The following USP40 variants were observed in gnomAD, a reference collection of about 807,000 sequenced individuals.
USP40 encodes ubiquitin specific peptidase 40.
Under a neutral mutation model 166.2 loss-of-function variants are expected in USP40, and 143 were observed. That is an observed-to-expected ratio of 0.86 (90% CI 0.75 to 0.99). The LOEUF (loss-of-function observed/expected upper bound fraction) is 0.99, where lower values mean the gene tolerates loss of function less well. USP40 is among the 50% of genes least tolerant of loss of function. The probability of loss-of-function intolerance (pLI) is 0.00; values close to 1 mark genes in which losing one functional copy is unlikely to be tolerated. For missense variants in USP40, 1,444 were observed against 1,479.7 expected (o/e 0.98, Z 0.40); for synonymous variants, 498 against 524.0 (o/e 0.95, Z 0.68).
At chr2:233,499,800 TACAAC>T in intron 22 of USP40, 74 bp downstream of exon 22, 1 of 1,332,212 alleles carries the variant, frequency 7.5e-7, no homozygotes, top group Non-Finnish European at 1.0e-6. Flanking sequence ...TTTTTTTTCC[TACAAC>T]CCTGGAGAAA....
chr2:233,525,605 C>G, intron 13 of USP40, 43 bp from the exon 14 acceptor site: 1 of 1,442,708 alleles, frequency 6.9e-7, no homozygotes, highest in Non-Finnish European at 9.7e-7. Flanking sequence ...TGAAAAGTGA[C>G]ATATACATAT....
chr2:233,510,991 C>T (rs75082205), intron 20 of USP40, among the ~76,000 whole-genome samples: 3 of 152,106 alleles, frequency 2.0e-5, no homozygotes, highest in Non-Finnish European at 4.4e-5. Flanking sequence ...CTATTTGCTA[C>T]GGTTCAGGGG....
At chr2:233,557,539 C>T (rs1455911766) in intron 4 of USP40, among the ~76,000 whole-genome samples, 2 of 152,174 alleles carry the variant, frequency 1.3e-5, no homozygotes, top group Non-Finnish European at 2.9e-5. Flanking sequence ...TTATGAGTCA[C>T]GCAGTTGTGT....
intron 10 of USP40, among the ~76,000 whole-genome samples, chr2:233,537,562 T>C (rs921344308): frequency 4.6e-5 from 7 of 151,934 alleles, no homozygotes; most frequent in South Asian, 2.1e-4. Context: ...ATCTTAAAAG[T>C]AGACCAAGAA....
intron 8 of USP40, among the ~76,000 whole-genome samples, chr2:233,544,994 T>C (rs746427554): frequency 6.6e-6 from 1 of 152,176 alleles, no homozygotes; most frequent in Non-Finnish European, 1.5e-5. Context: ...CAAACACAAA[T>C]CTTTCTTGGA....
chr2:233,545,242 G>A (rs4047199), intron 8 of USP40, among the ~76,000 whole-genome samples: 121,438 of 152,132 alleles, frequency 0.8, 48,624 homozygotes, highest in East Asian at 0.96. Context: ...ATGACAACGG[G>A]ATAAGAGATT....
At chr2:233,524,695 T>C (rs1199301689) in intron 14 of USP40, 133 bp from the exon 15 acceptor site, 1 of 616,566 alleles carries the variant, frequency 1.6e-6, no homozygotes, top group Non-Finnish European at 2.5e-6. Context: ...TAATTATTTT[T>C]ATTCTATTGA....
At chr2:233,526,697 A>C (rs1575292339) in intron 13 of USP40, among the ~76,000 whole-genome samples, 1 of 152,256 alleles carries the variant, frequency 6.6e-6, no homozygotes. Flanking sequence ...AGGAGAAAAA[A>C]ACCCTAGATG....
intron 21 of USP40, among the ~76,000 whole-genome samples, chr2:233,502,684 C>A (rs2066157625): frequency 1.3e-5 from 2 of 152,050 alleles, no homozygotes; most frequent in Non-Finnish European, 2.9e-5. Context: ...AAACCAGCAT[C>A]CTTTCCTCCA....
intron 10 of USP40, among the ~76,000 whole-genome samples, chr2:233,535,578 T>C (rs1366176577): frequency 2.0e-5 from 3 of 152,132 alleles, no homozygotes; most frequent in Non-Finnish European, 1.5e-5. Context: ...AAGCCAAAAT[T>C]GTAACAGACC....
chr2:233,506,674 C>T (rs754672206), intron 21 of USP40, among the ~76,000 whole-genome samples: 4 of 146,720 alleles, frequency 2.7e-5, no homozygotes, highest in African/African-American at 5.1e-5. Flanking sequence ...ATGGGCAGAT[C>T]ACTTGAGTTC....
Position 233,480,192 on chromosome 2 carries a change from T to C in USP40, c.3599+1011A>G, listed in dbSNP as rs2064478806. ...CCAGTGGCAGAGGGCATGCAGTCCC[T>C]GGCACACGGGCAGCCAAGATACTGA... On this transcript the variant is annotated intron_variant, in intron 31 of 31. Coordinates refer to ENST00000678225, the MANE Select transcript of USP40 (RefSeq NM_001365479.2). The surrounding 1 kb of genome is among the most constrained non-coding windows in gnomAD (Gnocchi z 4.5). Among the ~76,000 whole-genome samples the C allele has an allele frequency of 6.6e-6, 1 of 152,104 alleles. No individual in the cohort carries two copies. The highest frequency in any genetic ancestry group is 1.5e-5 in the Non-Finnish European group (1 of 68,030).
chr2:233,523,392 T>G lies in USP40; in HGVS notation c.1979A>C (p.Gln660Pro), dbSNP rs2067795345. Residue 660 changes from glutamine (Q) to proline (P), a missense_variant, in exon 16 of 32, where the codon CAG becomes CCG. By Grantham distance (76) the Gln-to-Pro change is moderately conservative (BLOSUM62 -1). Transcript: ENST00000678225. Reference protein sequence around the residue: ...DTSSDGEKCCQVIESPHVFPA... With the variant: ...DTSSDGEKCCPVIESPHVFPA... Reference sequence around the variant, plus strand: ...AAAGACATGTGGAGATTCTATCACCTGACAACACTTTTCTCCATCACTGCT... The same window carrying G: ...AAAGACATGTGGAGATTCTATCACCGGACAACACTTTTCTCCATCACTGCT... The G allele has an allele frequency of 6.2e-7, 1 of 1,613,886 alleles. No homozygotes were observed. Among genetic ancestry groups the G allele is most frequent in the Admixed American group, 1.7e-5 (1 of 59,994 alleles).
At chr2:233,516,192 T>C (rs2067180877) in intron 18 of USP40, among the ~76,000 whole-genome samples, 1 of 152,216 alleles carries the variant, frequency 6.6e-6, no homozygotes, top group African/African-American at 2.4e-5. Flanking sequence ...TATGCCAATA[T>C]ACACTGTCTA....
Position 233,533,490 on chromosome 2 carries a change from C to G in USP40, c.1460G>C (p.Arg487Thr), listed in dbSNP as rs1251597712. 4 of 1,612,896 alleles carry G rather than the reference C, an allele frequency of 2.5e-6. No individual in the cohort carries two copies. In the Admixed American group the frequency reaches 6.7e-5, roughly 27 times the overall value. ...MLFYRKSQLQRPPEARANPRY... is the reference protein window; with the variant it reads ...MLFYRKSQLQTPPEARANPRY... ...TTTTCTTTCCATACCTTCAGGGGGT[C>G]TCTGCAACTGGGATTTCCGATAAAA... is the stretch of plus-strand genomic sequence containing the variant. The change falls in exon 11 of 32, where the codon AGA becomes ACA. Residue 487 changes from arginine (R) to threonine (T), a missense_variant. Arg to Thr is a moderately conservative substitution (Grantham distance 71). Coordinates refer to ENST00000678225, the MANE Select transcript of USP40 (RefSeq NM_001365479.2).
intron 8 of USP40, 124 bp from the exon 9 acceptor site, chr2:233,542,487 G>T (rs1190372209): frequency 1.7e-6 from 1 of 585,238 alleles, no homozygotes; most frequent in South Asian, 2.1e-5. Context: ...GAGGCAGAGG[G>T]ACTGCTTGAG....
At chr2:233,549,775 T>TA (rs979946901) in intron 7 of USP40, among the ~76,000 whole-genome samples, 47 of 152,204 alleles carry the variant, frequency 3.1e-4, no homozygotes, top group Admixed American at 8.5e-4. Context: ...AATAGGAACT[T>TA]ACTAATTATG....
chr2:233,508,570 G>A (rs532418751), intron 21 of USP40, among the ~76,000 whole-genome samples: 3 of 152,220 alleles, frequency 2.0e-5, no homozygotes, highest in African/African-American at 7.2e-5. Context: ...TTTCTATGTT[G>A]TCTGAGTGTT....
At chr2:233,529,370 C>A (rs2068311348) in intron 12 of USP40, 61 bp downstream of exon 12, 1 of 1,373,094 alleles carries the variant, frequency 7.3e-7, no homozygotes. Context: ...ATGCTTAAGG[C>A]CTAAATCAGA....
Sources: allele counts gnomAD v4.1 joint callset (sites outside exome capture counted in the v4.1 genomes callset), GRCh38; gene constraint gnomAD v4.1.1; non-coding constraint Gnocchi (gnomAD v3.1); transcripts MANE v1.5; gene names NCBI Gene and HGNC (gene_info 2026-07-23, HGNC 2026-07-21).